Variants in B3GNT2 observed in about 807,000 individuals in gnomAD.
B3GNT2 encodes N-acetyllactosaminide beta-1,3-N-acetylglucosaminyltransferase 2.
A neutral mutation model predicts 27.6 loss-of-function variants in B3GNT2; 12 were observed. The observed-to-expected ratio is 0.44, with a 90% CI of 0.28 to 0.71. The LOEUF is 0.71. Ranked by LOEUF, B3GNT2 falls within the 30% of genes least tolerant of loss-of-function variation. B3GNT2 has a pLI of 0.17. For synonymous variants in B3GNT2, 192 were observed against 189.7 expected, an observed-to-expected ratio of 1.01 and a Z score of -0.10; for missense variants, 413 against 488.5, an observed-to-expected ratio of 0.85 and a Z score of 1.46.
chr2:62,206,462 A>C (rs1369856757), intron 1 of B3GNT2, among the ~76,000 whole-genome samples: 1 of 152,144 alleles, frequency 6.6e-6, no homozygotes, highest in Admixed American at 6.5e-5. Flanking sequence ...GCAGTGGTTA[A>C]TTTGTTTTAT....
In B3GNT2 at chr2:62,222,434, C is replaced by G; in HGVS notation, c.214C>G (p.Pro72Ala). Residue 72 changes from proline to alanine, a missense_variant, in exon 2 of 2, where the codon CCC (proline) becomes GCC (alanine). Coordinates refer to ENST00000301998, the MANE Select transcript of B3GNT2 (RefSeq NM_006577.6). The surrounding 1 kb of genome is among the most constrained non-coding windows in gnomAD (Gnocchi z 4.2). ...AGAGAAGCTGAACCGGCAGTACAAC[C>G]CCATCCTGAGCATGCTGACCAACCA... ...EQEKLNRQYN[P>A]ILSMLTNQTG... is the part of the protein sequence containing the mutation. 1 of 1,614,146 alleles carries G rather than the reference C, an allele frequency of 6.2e-7. No homozygotes were observed. The highest frequency in any genetic ancestry group is 2.2e-5 in the East Asian group (1 of 44,890).
chr2:62,212,765 AT>A (rs1674503750), intron 1 of B3GNT2, among the ~76,000 whole-genome samples: 2 of 151,966 alleles, frequency 1.3e-5, no homozygotes, highest in Non-Finnish European at 2.9e-5. Context: ...CATCCTTTAG[AT>A]TGTTATTTCA....
chr2:62,199,407 G>T (rs1260030281), intron 1 of B3GNT2, among the ~76,000 whole-genome samples: 1 of 152,074 alleles, frequency 6.6e-6, no homozygotes, highest in African/African-American at 2.4e-5. Context: ...TTTTTTTGAT[G>T]GTTTTATTGG....
At chr2:62,206,519 T>TC (rs966785403) in intron 1 of B3GNT2, among the ~76,000 whole-genome samples, 8 of 152,206 alleles carry the variant, frequency 5.3e-5, no homozygotes, top group African/African-American at 1.4e-4. Flanking sequence ...CTATTTTTTT[T>TC]CCCTTCCCCA....
chr2:62,222,293 A>G lies in B3GNT2; in HGVS notation c.73A>G (p.Met25Val), dbSNP rs144486810. 478 of 1,613,890 alleles carry G rather than the reference A, an allele frequency of 3.0e-4. 3 individuals carry two copies. In the African/African-American group the frequency reaches 5.2e-3, roughly 18 times the overall value. Residue 25 changes from methionine (M) to valine (V), a missense_variant, in exon 2 of 2, where the codon ATG becomes GTG. Physicochemically the swap from Met to Val is conservative, Grantham distance 21. Transcript: ENST00000301998. This position sits in a 1 kb window ranked among gnomAD's most constrained non-coding sequence, Gnocchi z 4.2. ...MMANVFIYFI[M>V]EVSKSSSQEK... ...GGCAAATGTCTTCATTTATTTTATT[A>G]TGGAAGTCTCCAAAAGCAGTAGCCA...
At chr2:62,219,805 G>T (rs1413333825) in intron 1 of B3GNT2, among the ~76,000 whole-genome samples, 1 of 152,198 alleles carries the variant, frequency 6.6e-6, no homozygotes, top group Non-Finnish European at 1.5e-5. Flanking sequence ...TATGAGGTTA[G>T]GTTTTTCAAG....
chr2:62,200,392 G>A (rs1674243819), intron 1 of B3GNT2, among the ~76,000 whole-genome samples: 1 of 152,096 alleles, frequency 6.6e-6, no homozygotes, highest in African/African-American at 2.4e-5. Context: ...TAAAACAGAG[G>A]GTTCAGGTGT....
At chr2:62,205,187 A>C (rs1048410143) in intron 1 of B3GNT2, among the ~76,000 whole-genome samples, 2 of 152,174 alleles carry the variant, frequency 1.3e-5, no homozygotes, top group Non-Finnish European at 2.9e-5. Flanking sequence ...AACTGAGGTG[A>C]CTCAAATTGC....
chr2:62,221,476 G>T (rs988659040), intron 1 of B3GNT2, among the ~76,000 whole-genome samples: 1 of 152,026 alleles, frequency 6.6e-6, no homozygotes, highest in African/African-American at 2.4e-5. Context: ...TCTGTAAAAT[G>T]GTAGGTTGGA....
At chr2:62,221,120 C>A (rs1281566854) in intron 1 of B3GNT2, among the ~76,000 whole-genome samples, 3 of 152,226 alleles carry the variant, frequency 2.0e-5, no homozygotes, top group Non-Finnish European at 4.4e-5. Context: ...CCCACCACCT[C>A]CATCACTTTC....
rs1199992978 is a variant in B3GNT2 at position 62,224,536 on chromosome 2, C to CTA, written c.*1123_*1124insAT. The CTA allele has an allele frequency of 6.0e-6, 1 of 166,932 alleles. No individual in the cohort carries two copies. Among genetic ancestry groups the CTA allele is most frequent in the Non-Finnish European group, 1.5e-5 (1 of 68,066 alleles). 10.3% of individuals were successfully genotyped at this position (166,932 alleles called of 1,614,324 possible). On this transcript the variant is annotated 3_prime_UTR_variant, in exon 2 of 2. Coordinates refer to ENST00000301998, the MANE Select transcript of B3GNT2 (RefSeq NM_006577.6). ...AAGGTGTAACATATGTTAAATAAAA[C>CTA]TGTTATTTTTGAATTTTAAAATTTG... is the stretch of plus-strand genomic sequence containing the variant.
At chr2:62,203,234 A>T (rs1365840279) in intron 1 of B3GNT2, among the ~76,000 whole-genome samples, 2 of 152,078 alleles carry the variant, frequency 1.3e-5, no homozygotes, top group African/African-American at 2.4e-5. Flanking sequence ...TGAAATATGT[A>T]TGTGTGTTGT....
At chr2:62,216,981 C>A (rs952833936) in intron 1 of B3GNT2, among the ~76,000 whole-genome samples, 1 of 152,214 alleles carries the variant, frequency 6.6e-6, no homozygotes, top group Non-Finnish European at 1.5e-5. Context: ...GGCTGGGAAC[C>A]TGGGACTCTC....
At position 62,222,270 on chromosome 2, in the gene B3GNT2, C is replaced by G. The variant is rs867147746; in HGVS notation, c.50C>G (p.Ala17Gly). ...RIKLLGILMMANVFIYFIMEV... is the reference protein window; with the variant it reads ...RIKLLGILMMGNVFIYFIMEV... ...AAGTTGTTGGGTATCCTGATGATGG[C>G]AAATGTCTTCATTTATTTTATTATG... is the stretch of plus-strand genomic sequence containing the variant. Residue 17 changes from alanine (A) to glycine (G), a missense_variant, in exon 2 of 2, where the codon GCA becomes GGA. By Grantham distance (60) the Ala-to-Gly change is moderately conservative. Coordinates refer to ENST00000301998, the MANE Select transcript of B3GNT2 (RefSeq NM_006577.6). This position sits in a 1 kb window ranked among gnomAD's most constrained non-coding sequence, Gnocchi z 4.2. The G allele has an allele frequency of 6.8e-6, 11 of 1,612,704 alleles. No homozygotes were observed. Among genetic ancestry groups the G allele is most frequent in the Non-Finnish European group, 9.3e-6 (11 of 1,179,650 alleles).
In B3GNT2 at chr2:62,197,788, T is replaced by C. The variant is rs116095589; in HGVS notation, c.-10+1433T>C. Among the ~76,000 whole-genome samples, 1,003 of 152,320 alleles carry C rather than the reference T, an allele frequency of 6.6e-3. 9 individuals are homozygous for C. The highest frequency in any genetic ancestry group is 0.021 in the African/African-American group (883 of 41,576). ...GTCCCGGGGCTCCGGTGCCGGCTTA[T>C]AGTCGCACCCATGCGGATCTGACAG... On this transcript the variant is annotated intron_variant, in intron 1 of 1. Coordinates refer to ENST00000301998, the MANE Select transcript of B3GNT2 (RefSeq NM_006577.6).
chr2:62,199,844 C>G (rs1433286220), intron 1 of B3GNT2, among the ~76,000 whole-genome samples: 1 of 152,194 alleles, frequency 6.6e-6, no homozygotes, highest in Non-Finnish European at 1.5e-5. Context: ...TGAATACATT[C>G]CTCTCTCTGG....
chr2:62,222,229 T>G lies in B3GNT2; in HGVS notation c.9T>G (p.Val3=). The change falls in exon 2 of 2, where the codon GTT becomes GTG. Residue 3 remains valine (V), a synonymous_variant. Transcript: ENST00000301998. This position sits in a 1 kb window ranked among gnomAD's most constrained non-coding sequence, Gnocchi z 4.2. MS[V]GRRRIKLLGI... ...TATTCCAGATATGAGAAATGAGTGT[T>G]GGACGTCGAAGAATAAAGTTGTTGG... 4 of 1,601,380 alleles carry G rather than the reference T, an allele frequency of 2.5e-6. No homozygotes were observed. Among genetic ancestry groups the G allele is most frequent in the Non-Finnish European group, 3.4e-6 (4 of 1,174,648 alleles).
chr2:62,199,508 T>C (rs536901967), intron 1 of B3GNT2, among the ~76,000 whole-genome samples: 2 of 152,360 alleles, frequency 1.3e-5, no homozygotes, highest in South Asian at 2.1e-4. Flanking sequence ...AGGATAATAC[T>C]TGGTGATGTG....
rs566766386 is a variant in B3GNT2, at chr2:62,213,186, C to T, written c.-9-9026C>T. On this transcript the variant is annotated intron_variant, in intron 1 of 1. Coordinates refer to ENST00000301998, the MANE Select transcript of B3GNT2 (RefSeq NM_006577.6). ...AAATTAGTTGGGTGTGGTGGCACATCCCAGCTGCTCGAGAGGCTGAGGTGG... is the reference window on the plus strand; with the variant it reads ...AAATTAGTTGGGTGTGGTGGCACATTCCAGCTGCTCGAGAGGCTGAGGTGG... 1.2e-4 allele frequency among the ~76,000 whole-genome samples: 18 copies of T among 152,264 alleles called. No individual in the cohort carries two copies. In the East Asian group the frequency reaches 2.9e-3, roughly 24 times the overall value.
Sources: gnomAD v4.1 joint callset for allele counts (sites outside exome capture counted in the v4.1 genomes callset) on GRCh38, gnomAD v4.1.1 for gene constraint, Gnocchi (gnomAD v3.1) non-coding constraint, MANE v1.5 for transcripts, NCBI Gene and HGNC (gene_info 2026-07-23, HGNC 2026-07-21) for gene names.